MTREX: variants seen among roughly 807,000 people sequenced by gnomAD.
MTREX encodes Mtr4 exosome RNA helicase.
A neutral mutation model predicts 135.4 loss-of-function variants in MTREX; 76 were observed. That is an observed-to-expected ratio of 0.56 (90% CI 0.47 to 0.68). MTREX has a LOEUF of 0.68. MTREX is among the 30% of genes least tolerant of loss of function. The pLI is 0.00. For synonymous variants in MTREX, 404 were observed against 401.6 expected (o/e 1.01, Z -0.07); for missense variants, 920 against 1,262.1 (o/e 0.73, Z 4.11).
intron 5 of MTREX, among the ~76,000 whole-genome samples, chr5:55,337,170 G>A (rs1749567367): frequency 6.6e-6 from 1 of 151,968 alleles, no homozygotes; most frequent in African/African-American, 2.4e-5. Flanking sequence ...AACCGGGTTG[G>A]AATGCAATGG....
intron 10 of MTREX, 33 bp from the exon 11 acceptor site, chr5:55,346,980 T>G (rs1320499322): frequency 6.4e-7 from 1 of 1,557,700 alleles, no homozygotes; most frequent in East Asian, 2.3e-5. Flanking sequence ...CTATTTTGAG[T>G]TAATTTTGGT....
chr5:55,341,703 G>C lies in MTREX; in HGVS notation c.713G>C (p.Arg238Thr). The C allele has an allele frequency of 6.3e-7, 1 of 1,591,294 alleles. No individual in the cohort carries two copies. Residue 238 changes from arginine (R) to threonine (T), a missense_variant, in exon 7 of 27, where the codon AGA (arginine) becomes ACA (threonine). Physicochemically the swap from Arg to Thr is moderately conservative, Grantham distance 71. Transcript: ENST00000230640. ...TTEILRSMLY[R>T]GSEVMREVAW... ...TAGATTTTGAGAAGTATGCTTTACAGAGGTTCCGAAGTTATGAGAGAAGTT... is the reference window on the plus strand; with the variant it reads ...TAGATTTTGAGAAGTATGCTTTACACAGGTTCCGAAGTTATGAGAGAAGTT...
At chr5:55,387,599 A>T (rs570883637) in intron 18 of MTREX, among the ~76,000 whole-genome samples, 1 of 152,238 alleles carries the variant, frequency 6.6e-6, no homozygotes, top group African/African-American at 2.4e-5. Context: ...CATTATAGAA[A>T]TGCTAGCATA....
intron 1 of MTREX, among the ~76,000 whole-genome samples, chr5:55,309,313 G>A (rs1311309784): frequency 6.6e-6 from 1 of 152,164 alleles, no homozygotes; most frequent in Admixed American, 6.5e-5. Flanking sequence ...GTTGAACAAG[G>A]TGATTGGATA....
intron 1 of MTREX, among the ~76,000 whole-genome samples, chr5:55,321,104 G>A (rs188999092): frequency 6.6e-6 from 1 of 152,120 alleles, no homozygotes; most frequent in African/African-American, 2.4e-5. Context: ...TGGTTTGACT[G>A]TTGCCATTTT....
At chr5:55,420,120 A>G (rs1332532604) in intron 25 of MTREX, among the ~76,000 whole-genome samples, 2 of 152,220 alleles carry the variant, frequency 1.3e-5, no homozygotes, top group East Asian at 3.8e-4. Flanking sequence ...AGTGTGAGCA[A>G]TAGTCTCTGC....
At chr5:55,312,650 A>G (rs1288899125) in intron 1 of MTREX, among the ~76,000 whole-genome samples, 4 of 152,132 alleles carry the variant, frequency 2.6e-5, no homozygotes, top group Admixed American at 1.3e-4. Flanking sequence ...GTGTATATCA[A>G]TAGTTTGTTT....
intron 14 of MTREX, among the ~76,000 whole-genome samples, 184 bp from the exon 15 acceptor site, chr5:55,358,388 AT>A (rs1252781016): frequency 6.6e-6 from 1 of 152,170 alleles, no homozygotes; most frequent in East Asian, 1.9e-4. Flanking sequence ...TTGAAACATT[AT>A]TCTCACATGT....
intron 22 of MTREX, among the ~76,000 whole-genome samples, chr5:55,407,146 T>G (rs1024627745): frequency 6.6e-6 from 1 of 152,226 alleles, no homozygotes; most frequent in Non-Finnish European, 1.5e-5. Flanking sequence ...TTGTAAATGA[T>G]TTCAGACTTT....
At chr5:55,404,626 G>A (rs1750772540) in intron 21 of MTREX, among the ~76,000 whole-genome samples, 3 of 152,110 alleles carry the variant, frequency 2.0e-5, no homozygotes, top group Non-Finnish European at 2.9e-5. Context: ...CTTTTGGACC[G>A]TGATTAATTG....
chr5:55,391,381 G>A (rs1404907123), intron 19 of MTREX, among the ~76,000 whole-genome samples: 1 of 151,986 alleles, frequency 6.6e-6, no homozygotes, highest in African/African-American at 2.4e-5. Context: ...CAGGAGGTTA[G>A]GGCTGCAGTG....
At chr5:55,335,250 G>A (rs1579854876) in intron 5 of MTREX, among the ~76,000 whole-genome samples, 1 of 152,064 alleles carries the variant, frequency 6.6e-6, no homozygotes, top group East Asian at 1.9e-4. Flanking sequence ...TTATAAATAT[G>A]TTTTTCATTC....
chr5:55,313,977 TAG>T (rs1749158491), intron 1 of MTREX, among the ~76,000 whole-genome samples: 1 of 151,900 alleles, frequency 6.6e-6, no homozygotes, highest in African/African-American at 2.4e-5. Flanking sequence ...TATCAATATG[TAG>T]AGAGCTGTTT....
At chr5:55,416,258 TTA>T in intron 25 of MTREX, 126 bp downstream of exon 25, 1 of 563,644 alleles carries the variant, frequency 1.8e-6, no homozygotes, top group Non-Finnish European at 2.9e-6. Flanking sequence ...CTTCTCCCTA[TTA>T]TATAGATTAA....
chr5:55,383,675 C>T (rs888132502), intron 18 of MTREX, among the ~76,000 whole-genome samples: 67 of 152,064 alleles, frequency 4.4e-4, no homozygotes, highest in Admixed American at 2.1e-3. Flanking sequence ...ACTTCTTTGC[C>T]TTTATCCTAC....
chr5:55,379,082 A>G (rs781063444), intron 17 of MTREX, 45 bp from the exon 18 acceptor site: 25 of 1,342,890 alleles, frequency 1.9e-5, no homozygotes, highest in Non-Finnish European at 1.8e-5. Flanking sequence ...ATTGCCTTGT[A>G]GATATACATT....
At position 55,322,481 on chromosome 5, in the gene MTREX, C is replaced by T. The variant is rs1289549021; in HGVS notation, c.272+17C>T. The T allele has an allele frequency of 5.2e-6, 8 of 1,552,020 alleles. No homozygotes were observed. Among genetic ancestry groups the T allele is most frequent in the Non-Finnish European group, 6.9e-6 (8 of 1,154,218 alleles). ...AGACTTAAGGTAATATTTCCAAAGT[C>T]CTAAATGTTAGTAACTCATAATTCA... On this transcript the variant is annotated intron_variant, in intron 2 of 26. Transcript: ENST00000230640.
At chr5:55,381,193 A>G (rs1579882898) in intron 18 of MTREX, among the ~76,000 whole-genome samples, 2 of 151,926 alleles carry the variant, frequency 1.3e-5, no homozygotes, top group African/African-American at 2.4e-5. Flanking sequence ...AATCTTCTCA[A>G]TGAGCTTTTG....
At chr5:55,350,835 T>C in intron 12 of MTREX, 84 bp from the exon 13 acceptor site, 1 of 1,111,680 alleles carries the variant, frequency 9.0e-7, no homozygotes, top group Non-Finnish European at 1.3e-6. Flanking sequence ...AAAGCATTCT[T>C]TACTGTTTTT....
Sources: gnomAD v4.1 joint callset for allele counts (sites outside exome capture counted in the v4.1 genomes callset) on GRCh38, gnomAD v4.1.1 for gene constraint, MANE v1.5 for transcripts, NCBI Gene and HGNC (gene_info 2026-07-23, HGNC 2026-07-21) for gene names.